The following ATXN7L1 variants were observed in gnomAD, a reference collection of about 807,000 sequenced individuals.
ATXN7L1 encodes ataxin 7 like 1, also known as ataxin-7-like protein 1.
In ATXN7L1, 15 loss-of-function variants were observed where a neutral mutation model predicts 70.8. That is an observed-to-expected ratio of 0.21 (90% CI 0.14 to 0.33). ATXN7L1 has a LOEUF of 0.33. ATXN7L1 is among the 10% of genes least tolerant of loss of function. The pLI, the probability that ATXN7L1 is intolerant of heterozygous loss-of-function variation, is 1.00. For synonymous variants in ATXN7L1, 440 were observed against 445.1 expected, an observed-to-expected ratio of 0.99 and a Z score of 0.14; for missense variants, 975 against 1,097.1, an observed-to-expected ratio of 0.89 and a Z score of 1.57.
intron 3 of ATXN7L1, among the ~76,000 whole-genome samples, chr7:105,778,998 C>G (rs1355830841): frequency 1.3e-5 from 2 of 152,204 alleles, no homozygotes; most frequent in African/African-American, 4.8e-5. Flanking sequence ...AGCTCACCTG[C>G]CCCAAGCACC....
At chr7:105,763,171 C>G (rs1800766681) in intron 3 of ATXN7L1, among the ~76,000 whole-genome samples, 3 of 152,262 alleles carry the variant, frequency 2.0e-5, no homozygotes, top group Non-Finnish European at 4.4e-5. Context: ...AGGTTACTAA[C>G]ACACTCTTCC....
At chr7:105,730,574 T>A (rs941599677) in intron 3 of ATXN7L1, among the ~76,000 whole-genome samples, 1 of 151,582 alleles carries the variant, frequency 6.6e-6, no homozygotes, top group Non-Finnish European at 1.5e-5. Flanking sequence ...CTACTAAATG[T>A]ACAAAAAATT....
At chr7:105,728,438 G>A (rs1412537983) in intron 3 of ATXN7L1, among the ~76,000 whole-genome samples, 4 of 152,174 alleles carry the variant, frequency 2.6e-5, no homozygotes, top group African/African-American at 9.7e-5. Context: ...AGCAAAGGGA[G>A]GGGACTAGAA....
intron 3 of ATXN7L1, among the ~76,000 whole-genome samples, chr7:105,715,240 T>G (rs900458308): frequency 6.6e-6 from 1 of 152,194 alleles, no homozygotes; most frequent in African/African-American, 2.4e-5. Context: ...GCTTGGAAAC[T>G]TTGGGCAAAG....
At chr7:105,704,883 C>T (rs753847836) in intron 3 of ATXN7L1, among the ~76,000 whole-genome samples, 25 of 151,902 alleles carry the variant, frequency 1.6e-4, no homozygotes, top group Non-Finnish European at 1.6e-4. Flanking sequence ...AGTGCTGGTA[C>T]AGTGGCATTA....
chr7:105,672,307 G>A (rs1241487868), intron 3 of ATXN7L1, among the ~76,000 whole-genome samples: 1 of 152,084 alleles, frequency 6.6e-6, no homozygotes, highest in Admixed American at 6.6e-5. Flanking sequence ...AAAAAAGAGA[G>A]GCACTACTAG....
At chr7:105,702,468 T>C (rs1279928504) in intron 3 of ATXN7L1, among the ~76,000 whole-genome samples, 3 of 152,068 alleles carry the variant, frequency 2.0e-5, no homozygotes, top group Non-Finnish European at 4.4e-5. Context: ...GAGGTATAAA[T>C]TGTGACTCTC....
intron 3 of ATXN7L1, among the ~76,000 whole-genome samples, chr7:105,705,048 G>A (rs944014266): frequency 2.7e-5 from 4 of 149,988 alleles, no homozygotes; most frequent in East Asian, 2.0e-4. Context: ...ATTTTGAGAC[G>A]GAGTCTTGCC....
At chr7:105,792,949 T>A (rs1442189136) in intron 2 of ATXN7L1, among the ~76,000 whole-genome samples, 1 of 152,230 alleles carries the variant, frequency 6.6e-6, no homozygotes, top group Non-Finnish European at 1.5e-5. Flanking sequence ...TTAATCTTCA[T>A]AATGAACCTG....
At chr7:105,875,744 T>C (rs1170827263) in intron 2 of ATXN7L1, 68 bp downstream of exon 2, 1 of 1,437,434 alleles carries the variant, frequency 7.0e-7, no homozygotes, top group East Asian at 2.6e-5. Context: ...ACAATTCACA[T>C]TATATTCGAA....
intron 2 of ATXN7L1, among the ~76,000 whole-genome samples, chr7:105,809,722 AGG>A (rs1808141809): frequency 6.6e-6 from 1 of 151,882 alleles, no homozygotes; most frequent in Non-Finnish European, 1.5e-5. Flanking sequence ...AGGCAAAGGG[AGG>A]TGAAGTGAGG....
chr7:105,710,636 C>G (rs1237161135), intron 3 of ATXN7L1, among the ~76,000 whole-genome samples: 1 of 151,618 alleles, frequency 6.6e-6, no homozygotes, highest in Admixed American at 6.6e-5. Context: ...TGGTCTCGAT[C>G]TCCTGACCTC....
chr7:105,743,059 AG>A (rs1798193238), intron 3 of ATXN7L1, among the ~76,000 whole-genome samples: 1 of 152,162 alleles, frequency 6.6e-6, no homozygotes, highest in Non-Finnish European at 1.5e-5. Flanking sequence ...TAGAATTTGA[AG>A]GGTCTTTTCC....
chr7:105,866,263 T>C (rs1013956125), intron 2 of ATXN7L1, among the ~76,000 whole-genome samples: 1 of 152,214 alleles, frequency 6.6e-6, no homozygotes, highest in East Asian at 1.9e-4. Flanking sequence ...TCAAAGAGCC[T>C]GTCATCGACT....
At chr7:105,728,073 T>C (rs1429164050) in intron 3 of ATXN7L1, among the ~76,000 whole-genome samples, 1 of 152,098 alleles carries the variant, frequency 6.6e-6, no homozygotes, top group African/African-American at 2.4e-5. Flanking sequence ...AGTTGTTCTT[T>C]GTGAATTTAT....
Position 105,614,130 on chromosome 7 carries a change from G to C in ATXN7L1, c.2204C>G (p.Ala735Gly). 3 of 1,551,608 alleles carry C rather than the reference G, an allele frequency of 1.9e-6. No individual in the cohort carries two copies. In the South Asian group the frequency reaches 3.6e-5, roughly 18 times the overall value. Residue 735 changes from alanine (A) to glycine (G), a missense_variant, in exon 10 of 12, where the codon GCG (alanine) becomes GGG (glycine). Physicochemically the swap from Ala to Gly is moderately conservative, Grantham distance 60. Coordinates refer to ENST00000419735, the MANE Select transcript of ATXN7L1 (RefSeq NM_020725.2). This position sits in a 1 kb window ranked among gnomAD's most constrained non-coding sequence, Gnocchi z 4.3. ...ACAGGAGTCACTGCTGCCTCCCACC[G>C]CGCCCACCTGTCTCACTATGTCCGC... ...GPADIVRQVGAVGGSSDSCPL... is the reference protein window; with the variant it reads ...GPADIVRQVGGVGGSSDSCPL...
At chr7:105,703,915 C>T (rs533240723) in intron 3 of ATXN7L1, among the ~76,000 whole-genome samples, 2 of 152,194 alleles carry the variant, frequency 1.3e-5, no homozygotes, top group African/African-American at 2.4e-5. Context: ...TTTGTTTCTA[C>T]TTGTCAATAA....
At chr7:105,805,172 G>A (rs1450438456) in intron 2 of ATXN7L1, among the ~76,000 whole-genome samples, 1 of 152,232 alleles carries the variant, frequency 6.6e-6, no homozygotes, top group Non-Finnish European at 1.5e-5. Flanking sequence ...ATGGCATAAA[G>A]TGACATGATT....
In ATXN7L1 at chr7:105,801,036, C is replaced by T. The variant is rs563721764; in HGVS notation, c.251-12328G>A. Among the ~76,000 whole-genome samples, 8 of 152,192 alleles carry T rather than the reference C, an allele frequency of 5.3e-5. No homozygotes were observed. In the East Asian group the frequency reaches 1.5e-3, roughly 29 times the overall value. On this transcript the variant is annotated intron_variant, in intron 2 of 11. Transcript: ENST00000419735. ...CACCTACTTGGGAAATTTCTCTGGGCCTCAGTTTCCTCATCTGCAAAATGG... is the reference window on the plus strand; with the variant it reads ...CACCTACTTGGGAAATTTCTCTGGGTCTCAGTTTCCTCATCTGCAAAATGG...
Sources: gnomAD v4.1 joint callset for allele counts (sites outside exome capture counted in the v4.1 genomes callset) on GRCh38, gnomAD v4.1.1 for gene constraint, Gnocchi (gnomAD v3.1) non-coding constraint, MANE v1.5 for transcripts, NCBI Gene and HGNC (gene_info 2026-07-23, HGNC 2026-07-21) for gene names.